The following RARB variants were observed in gnomAD, a reference collection of about 807,000 sequenced individuals.
The protein encoded by RARB is HBV-activated protein.
In RARB, 17 loss-of-function variants were observed where a neutral mutation model predicts 51.9. The ratio of observed to expected loss-of-function variants is 0.33; its 90% CI spans 0.22 to 0.49. The LOEUF (loss-of-function observed/expected upper bound fraction) is 0.49, where lower values mean the gene tolerates loss of function less well. Ranked by LOEUF, RARB falls within the 20% of genes least tolerant of loss-of-function variation. The pLI is 0.99. For missense variants in RARB, 369 were observed against 550.8 expected (o/e 0.67, Z 3.30); for synonymous variants, 215 against 195.4 (o/e 1.10, Z -0.84).
intron 4 of RARB, among the ~76,000 whole-genome samples, chr3:25,156,491 A>C (rs1700375693): frequency 1.4e-5 from 2 of 138,324 alleles, no homozygotes; most frequent in South Asian, 4.6e-4. Context: ...ACTGACTCTA[A>C]TCACACAAAT....
intron 3 of RARB, among the ~76,000 whole-genome samples, chr3:25,102,103 G>C (rs1699410744): frequency 6.6e-6 from 1 of 152,040 alleles, no homozygotes; most frequent in Non-Finnish European, 1.5e-5. Flanking sequence ...CATAAATTAG[G>C]TACCACTCCC....
chr3:24,877,401 A>C (rs1187890823), intron 2 of RARB, among the ~76,000 whole-genome samples: 1 of 127,922 alleles, frequency 7.8e-6, no homozygotes, highest in East Asian at 2.3e-4. Flanking sequence ...CTCTAGAAAG[A>C]CTTAAGAATA....
chr3:24,892,967 C>T (rs1223267044), intron 2 of RARB, among the ~76,000 whole-genome samples: 2 of 152,206 alleles, frequency 1.3e-5, no homozygotes, highest in Non-Finnish European at 2.9e-5. Flanking sequence ...TTCTCTGAAT[C>T]TTCACAGTGA....
chr3:25,456,182 ATCTAAC>A (rs1340732338), intron 1 of RARB, among the ~76,000 whole-genome samples: 1 of 152,258 alleles, frequency 6.6e-6, no homozygotes, highest in Non-Finnish European at 1.5e-5. Context: ...CATTTGATGA[ATCTAAC>A]TCTAATTTAA....
chr3:25,178,407 G>A (rs1700798114), intron 5 of RARB, among the ~76,000 whole-genome samples: 1 of 151,990 alleles, frequency 6.6e-6, no homozygotes, highest in East Asian at 1.9e-4. Context: ...CTTTTTAATA[G>A]CCTCGATGTC....
At chr3:25,200,590 C>G (rs1051340620) in intron 5 of RARB, among the ~76,000 whole-genome samples, 8 of 152,256 alleles carry the variant, frequency 5.3e-5, no homozygotes, top group African/African-American at 1.9e-4. Flanking sequence ...ACATGTAAGT[C>G]TTTAATCCAT....
At chr3:24,918,227 C>T (rs1017297700) in intron 2 of RARB, among the ~76,000 whole-genome samples, 2 of 152,150 alleles carry the variant, frequency 1.3e-5, no homozygotes, top group Admixed American at 6.5e-5. Context: ...TGCAAATGAA[C>T]GAATTACTAA....
chr3:25,091,865 A>C (rs1222204952), intron 3 of RARB, among the ~76,000 whole-genome samples: 1 of 152,158 alleles, frequency 6.6e-6, no homozygotes, highest in African/African-American at 2.4e-5. Context: ...ATATTCTGCA[A>C]GTTATCTCAA....
chr3:25,058,869 A>G (rs1251615759), intron 2 of RARB, among the ~76,000 whole-genome samples: 2 of 151,746 alleles, frequency 1.3e-5, no homozygotes, highest in Non-Finnish European at 3.0e-5. Flanking sequence ...AAATTTTTAT[A>G]TTTGTAATTT....
At chr3:25,479,932 C>T (rs1696145381) in intron 2 of RARB, among the ~76,000 whole-genome samples, 1 of 152,158 alleles carries the variant, frequency 6.6e-6, no homozygotes, top group South Asian at 2.1e-4. Context: ...ACTTGAATGA[C>T]CCACAAAATG....
intron 5 of RARB, among the ~76,000 whole-genome samples, chr3:25,372,199 T>C (rs1706320286): frequency 6.6e-6 from 1 of 152,242 alleles, no homozygotes; most frequent in Admixed American, 6.5e-5. Context: ...ATTTAAATGG[T>C]TGTCTTTCAG....
At chr3:25,227,037 G>C (rs1702070790) in intron 5 of RARB, among the ~76,000 whole-genome samples, 1 of 152,192 alleles carries the variant, frequency 6.6e-6, no homozygotes. Flanking sequence ...GTTTCGAGTT[G>C]TAGTCCACTA....
At chr3:25,253,831 C>G (rs924807086) in intron 5 of RARB, among the ~76,000 whole-genome samples, 1 of 152,038 alleles carries the variant, frequency 6.6e-6, no homozygotes, top group East Asian at 1.9e-4. Context: ...CTAGTGGTCC[C>G]TCAAATTGCT....
At chr3:24,871,644 T>C (rs1047925534) in intron 2 of RARB, among the ~76,000 whole-genome samples, 25 of 152,160 alleles carry the variant, frequency 1.6e-4, no homozygotes, top group African/African-American at 5.6e-4. Flanking sequence ...AAACACCAGA[T>C]TGGATATCCA....
intron 6 of RARB, among the ~76,000 whole-genome samples, chr3:25,594,268 T>C (rs780393443): frequency 6.6e-6 from 1 of 152,196 alleles, no homozygotes; most frequent in Non-Finnish European, 1.5e-5. Context: ...TGACACCTTC[T>C]GGTCAAAGGA....
Position 25,528,293 on chromosome 3 carries a change from A to G in RARB, c.448+26970A>G, listed in dbSNP as rs138975575. On this transcript the variant is annotated intron_variant, in intron 3 of 7. Coordinates refer to ENST00000330688, the MANE Select transcript of RARB (RefSeq NM_000965.5). ...TGATTTAGCTGTTCAGGACAGCAAG[A>G]GACTGAGACAGGAAGATGAGCAAAG... 3.2e-4 allele frequency among the ~76,000 whole-genome samples: 48 copies of G among 152,312 alleles called. No homozygotes were observed. In the East Asian group the frequency reaches 8.5e-3, roughly 27 times the overall value.
chr3:24,951,876 T>C (rs906590956), intron 2 of RARB, among the ~76,000 whole-genome samples: 54 of 152,206 alleles, frequency 3.5e-4, no homozygotes, highest in African/African-American at 1.2e-3. Flanking sequence ...ACCTTTGTTT[T>C]CTTCTGGAGA....
chr3:25,200,462 C>A (rs1559502471), intron 5 of RARB, among the ~76,000 whole-genome samples: 1 of 152,114 alleles, frequency 6.6e-6, no homozygotes, highest in Non-Finnish European at 1.5e-5. Context: ...TCCCATTTGT[C>A]AATTTTGGCT....
chr3:25,050,172 A>T (rs1406897134), intron 2 of RARB, among the ~76,000 whole-genome samples: 1 of 152,200 alleles, frequency 6.6e-6, no homozygotes, highest in Non-Finnish European at 1.5e-5. Flanking sequence ...AACACAGAAG[A>T]TTGTATATTG....
Sources: allele counts gnomAD v4.1 joint callset (sites outside exome capture counted in the v4.1 genomes callset), GRCh38; gene constraint gnomAD v4.1.1; transcripts MANE v1.5; gene names NCBI Gene and HGNC (gene_info 2026-07-23, HGNC 2026-07-21).